The following TCF4 variants were observed in gnomAD, a reference collection of about 807,000 sequenced individuals.
The protein encoded by TCF4 is SL3-3 enhancer factor 2.
A neutral mutation model predicts 82.1 loss-of-function variants in TCF4; 3 were observed. The observed-to-expected ratio is 0.04, with a 90% CI of 0.02 to 0.09. The LOEUF (loss-of-function observed/expected upper bound fraction) is 0.09. Among genes scored for constraint, TCF4 ranks in the 10% least tolerant of loss-of-function variants. The probability of loss-of-function intolerance (pLI) is 1.00; values close to 1 mark genes in which losing one functional copy is unlikely to be tolerated. For missense variants in TCF4, 518 were observed against 852.7 expected (o/e 0.61, Z 4.89); for synonymous variants, 276 against 309.6 (o/e 0.89, Z 1.14).
intron 5 of TCF4, among the ~76,000 whole-genome samples, chr18:55,426,825 CACAG>C (rs1370761919): frequency 2.0e-5 from 3 of 151,900 alleles, no homozygotes; most frequent in Non-Finnish European, 4.4e-5. Flanking sequence ...CATATACAAA[CACAG>C]ACACACAAAG....
chr18:55,338,027 AC>A (rs1184658825), intron 8 of TCF4, among the ~76,000 whole-genome samples: 1 of 151,848 alleles, frequency 6.6e-6, no homozygotes, highest in African/African-American at 2.4e-5. Flanking sequence ...AAAAAAAATC[AC>A]CATCAGTCTC....
At chr18:55,598,956 G>GC (rs1401177076) in intron 2 of TCF4, among the ~76,000 whole-genome samples, 1 of 152,164 alleles carries the variant, frequency 6.6e-6, no homozygotes, top group Non-Finnish European at 1.5e-5. Context: ...AGCTGTTGGT[G>GC]CCCCCTGAAC....
intron 4 of TCF4, among the ~76,000 whole-genome samples, chr18:55,463,142 T>A (rs1007953237): frequency 6.6e-6 from 1 of 152,320 alleles, no homozygotes; most frequent in East Asian, 1.9e-4. Flanking sequence ...GGTTTTACCA[T>A]GTACACGAAG....
chr18:55,585,363 C>A lies in TCF4; in HGVS notation c.73-11G>T, dbSNP rs2097629844. The A allele has an allele frequency of 3.7e-6, 6 of 1,612,736 alleles. No homozygotes were observed. The highest frequency in any genetic ancestry group is 1.3e-5 in the African/African-American group (1 of 74,984). On this transcript the variant is annotated splice_polypyrimidine_tract_variant and intron_variant, in intron 2 of 19. Transcript: ENST00000354452. ...AGGAGGTGAAAACATCTAAAAGAAA[C>A]AAAGAAATATTACAGTTGAAAAGAA...
rs905285280 is a variant in TCF4, at chr18:55,289,479, T to C, written c.550-9823A>G. 2.6e-5 allele frequency among the ~76,000 whole-genome samples: 4 copies of C among 152,352 alleles called. No homozygotes were observed. In the East Asian group the frequency reaches 7.7e-4, roughly 29 times the overall value. ...TAAATCTTAAACAGATGTAACTAAA[T>C]TATTTCTATCTCTGTTTACACCTAT... On this transcript the variant is annotated intron_variant, in intron 8 of 19. Transcript: ENST00000354452.
At chr18:55,326,516 A>C (rs1602763195) in intron 8 of TCF4, among the ~76,000 whole-genome samples, 1 of 152,028 alleles carries the variant, frequency 6.6e-6, no homozygotes, top group Non-Finnish European at 1.5e-5. Context: ...AACTCTTCCC[A>C]ATGGAGCAAA....
At chr18:55,418,499 A>G (rs1457003620) in intron 5 of TCF4, among the ~76,000 whole-genome samples, 1 of 152,192 alleles carries the variant, frequency 6.6e-6, no homozygotes, top group Admixed American at 6.5e-5. Context: ...TTAACAATCA[A>G]TTGTTAAGAA....
rs566631129 is a variant in TCF4, at chr18:55,441,401, G to A, written c.304+19618C>T. Among the ~76,000 whole-genome samples, 413 of 152,176 alleles carry A rather than the reference G, an allele frequency of 2.7e-3. 5 individuals are homozygous for A. Among genetic ancestry groups the A allele is most frequent in the African/African-American group, 9.0e-3 (375 of 41,502 alleles). ...TTTAAGCTATATTCAGTACATTCACGATCACTATTTTTCTTTCTTTAACAT... is the reference window on the plus strand; with the variant it reads ...TTTAAGCTATATTCAGTACATTCACAATCACTATTTTTCTTTCTTTAACAT... On this transcript the variant is annotated intron_variant, in intron 5 of 19. Coordinates refer to ENST00000354452, the MANE Select transcript of TCF4 (RefSeq NM_001083962.2).
intron 15 of TCF4, among the ~76,000 whole-genome samples, chr18:55,242,613 T>A (rs1055132012): frequency 1.3e-5 from 2 of 151,202 alleles, no homozygotes; most frequent in Non-Finnish European, 3.0e-5. Context: ...GGCACTGATT[T>A]TTTTTTTTTT....
chr18:55,379,625 G>GT (rs373647052), intron 6 of TCF4, among the ~76,000 whole-genome samples: 185 of 152,022 alleles, frequency 1.2e-3, no homozygotes, highest in African/African-American at 4.0e-3. Flanking sequence ...AGTTTTTGGG[G>GT]TTTTTTTTGG....
At chr18:55,355,852 T>G (rs1016736878) in intron 6 of TCF4, among the ~76,000 whole-genome samples, 1 of 152,166 alleles carries the variant, frequency 6.6e-6, no homozygotes, top group Admixed American at 6.5e-5. Flanking sequence ...GTTTTTTATT[T>G]CTACATTAAA....
chr18:55,322,973 C>T (rs2075962342), intron 8 of TCF4, among the ~76,000 whole-genome samples: 2 of 152,144 alleles, frequency 1.3e-5, no homozygotes, highest in South Asian at 4.1e-4. Context: ...TTCGATTTTG[C>T]TAAACTTTAA....
At chr18:55,439,959 A>T (rs1243442757) in intron 5 of TCF4, among the ~76,000 whole-genome samples, 1 of 152,136 alleles carries the variant, frequency 6.6e-6, no homozygotes, top group Non-Finnish European at 1.5e-5. Flanking sequence ...CCTGGCTTCA[A>T]ATGATCTGCC....
intron 8 of TCF4, among the ~76,000 whole-genome samples, chr18:55,293,846 T>C (rs1279879942): frequency 6.7e-6 from 1 of 149,600 alleles, no homozygotes; most frequent in Non-Finnish European, 1.5e-5. Context: ...AATAGTATAA[T>C]ATGGAGAGGA....
At chr18:55,381,096 ACT>A (rs1341679721) in intron 6 of TCF4, among the ~76,000 whole-genome samples, 4 of 152,130 alleles carry the variant, frequency 2.6e-5, no homozygotes, top group Admixed American at 2.6e-4. Context: ...TTAAGATTCA[ACT>A]CTCTTCTCAC....
chr18:55,286,195 C>T (rs2063631668), intron 8 of TCF4, among the ~76,000 whole-genome samples: 1 of 151,782 alleles, frequency 6.6e-6, no homozygotes, highest in Non-Finnish European at 1.5e-5. Flanking sequence ...ATGTTTTTAG[C>T]TTTTTTGCTG....
intron 17 of TCF4, chr18:55,229,283 C>T: frequency 4.9e-6 from 3 of 610,246 alleles, no homozygotes; most frequent in Non-Finnish European, 8.8e-6. Flanking sequence ...TTCTCGCAGA[C>T]ATTAAACCCA....
intron 3 of TCF4, among the ~76,000 whole-genome samples, chr18:55,559,946 C>T (rs1403969036): frequency 1.3e-5 from 2 of 152,100 alleles, no homozygotes; most frequent in Admixed American, 1.3e-4. Flanking sequence ...CATGTGGGGC[C>T]TTGATTCAAA....
chr18:55,588,210 C>T (rs1239406990), upstream of TCF4: 11 of 1,330,002 alleles, frequency 8.3e-6, no homozygotes, highest in Non-Finnish European at 1.1e-5. Flanking sequence ...CAGCCAAGAT[C>T]CCTGACTCTT....
Sources: gnomAD v4.1 joint callset for allele counts (sites outside exome capture counted in the v4.1 genomes callset) on GRCh38, gnomAD v4.1.1 for gene constraint, MANE v1.5 for transcripts, NCBI Gene and HGNC (gene_info 2026-07-23, HGNC 2026-07-21) for gene names.